The following PDE10A variants were observed in gnomAD, a reference collection of about 807,000 sequenced individuals.
PDE10A encodes phosphodiesterase 10A.
Under a neutral mutation model 97.7 loss-of-function variants are expected in PDE10A, and 39 were observed. That is an observed-to-expected ratio of 0.40 (90% confidence interval 0.31 to 0.52). PDE10A has a LOEUF of 0.52. PDE10A is among the 20% of genes least tolerant of loss of function. The probability of loss-of-function intolerance (pLI) is 0.56; values close to 1 mark genes in which losing one functional copy is unlikely to be tolerated. For synonymous variants in PDE10A, 371 were observed against 376.8 expected (o/e 0.98, Z 0.18); for missense variants, 731 against 1,047.8 (o/e 0.70, Z 4.17).
chr6:165,817,789 G>A (rs1387984158), intron 1 of PDE10A, among the ~76,000 whole-genome samples: 1 of 152,136 alleles, frequency 6.6e-6, no homozygotes, highest in Non-Finnish European at 1.5e-5. Flanking sequence ...CCAGTTTCCT[G>A]ACCTGTAAAA....
Position 165,958,587 on chromosome 6 carries a change from A to G in PDE10A, c.-615+28942T>C, listed in dbSNP as rs1240530973. ...AAAGACAGACAGAAAGAAAGACAGA[A>G]AGAGAGAAAGAAAGAGAGAAAGGAA... On this transcript the variant is annotated intron_variant, in intron 1 of 19. Transcript: ENST00000366882. 2.3e-5 allele frequency among the ~76,000 whole-genome samples: 3 copies of G among 127,814 alleles called. 1 individual carries two copies. Among genetic ancestry groups the G allele is most frequent in the African/African-American group, 8.7e-5 (3 of 34,366 alleles). 83.9% of individuals were successfully genotyped at this position (127,814 alleles called of 152,430 possible).
chr6:165,458,738 G>T (rs527751508), intron 3 of PDE10A, among the ~76,000 whole-genome samples: 3 of 152,046 alleles, frequency 2.0e-5, no homozygotes, highest in South Asian at 4.2e-4. Context: ...AGAGCAAGTT[G>T]GTGTGCCCCT....
At chr6:165,523,072 G>A (rs1246824979) in intron 2 of PDE10A, among the ~76,000 whole-genome samples, 1 of 151,882 alleles carries the variant, frequency 6.6e-6, no homozygotes, top group Non-Finnish European at 1.5e-5. Flanking sequence ...AACTAAGGAA[G>A]TGAAAGATAG....
intron 1 of PDE10A, among the ~76,000 whole-genome samples, chr6:165,821,190 C>T (rs1373026530): frequency 1.3e-5 from 2 of 152,328 alleles, no homozygotes; most frequent in Non-Finnish European, 2.9e-5. Context: ...TAAGAAACTA[C>T]AGCTTTGCAC....
chr6:165,762,594 A>T (rs534214192), intron 1 of PDE10A, among the ~76,000 whole-genome samples: 1 of 152,360 alleles, frequency 6.6e-6, no homozygotes, highest in Admixed American at 6.5e-5. Flanking sequence ...CACATTATAC[A>T]ATTATAGATA....
intron 1 of PDE10A, among the ~76,000 whole-genome samples, chr6:165,939,048 T>C (rs1327787537): frequency 6.6e-6 from 1 of 152,246 alleles, no homozygotes. Context: ...CAGAATATTA[T>C]GCAGCCAGCA....
At chr6:165,589,394 A>G (rs1379064994) in intron 1 of PDE10A, among the ~76,000 whole-genome samples, 1 of 152,192 alleles carries the variant, frequency 6.6e-6, no homozygotes, top group African/African-American at 2.4e-5. Context: ...TTATTACTTT[A>G]TATTTAAAAT....
chr6:165,919,653 G>A (rs1246410573), intron 1 of PDE10A, among the ~76,000 whole-genome samples: 7 of 152,118 alleles, frequency 4.6e-5, no homozygotes, highest in Non-Finnish European at 8.8e-5. Flanking sequence ...TTCTGAGCTT[G>A]TGGCCTGTGC....
intron 1 of PDE10A, among the ~76,000 whole-genome samples, chr6:165,794,325 A>G (rs748534758): frequency 1.0e-4 from 15 of 150,634 alleles, no homozygotes; most frequent in Non-Finnish European, 3.0e-5. Flanking sequence ...CATACTCATC[A>G]CACACTCATA....
chr6:165,794,486 CACACACT>C (rs1778771868), intron 1 of PDE10A, among the ~76,000 whole-genome samples: 1 of 151,560 alleles, frequency 6.6e-6, no homozygotes, highest in Non-Finnish European at 1.5e-5. Flanking sequence ...ACACTCATTA[CACACACT>C]ACACACTCAC....
intron 1 of PDE10A, among the ~76,000 whole-genome samples, chr6:165,549,768 A>G (rs113075415): frequency 3.9e-5 from 6 of 152,204 alleles, no homozygotes; most frequent in African/African-American, 1.4e-4. Flanking sequence ...AGCCTTTATT[A>G]TTTCTGAAGT....
rs200729242 is a variant in PDE10A, at chr6:165,673,982, A to T, written c.-614-130414T>A. The stretch of plus-strand genomic sequence containing the variant: ...TGACTTGAAAGATCTCTAATTTAAA[A>T]TTTTTTAAAGTGTTTCCGTGTCCAT... On this transcript the variant is annotated intron_variant, in intron 1 of 19. Coordinates refer to the PDE10A transcript ENST00000366882. Among the ~76,000 whole-genome samples the T allele has an allele frequency of 3.4e-5, 4 of 118,304 alleles. No individual in the cohort carries two copies. The South Asian group carries it at 8.3e-4, about 25-fold the overall frequency. 77.6% of individuals were successfully genotyped at this position (118,304 alleles called of 152,430 possible).
chr6:165,825,718 G>A (rs1779720599), intron 1 of PDE10A, among the ~76,000 whole-genome samples: 1 of 152,178 alleles, frequency 6.6e-6, no homozygotes, highest in African/African-American at 2.4e-5. Flanking sequence ...CCTGTGCCTT[G>A]GGAGTCCCCC....
At chr6:165,421,785 G>C (rs1277085357) in intron 10 of PDE10A, among the ~76,000 whole-genome samples, 1 of 152,216 alleles carries the variant, frequency 6.6e-6, no homozygotes, top group Non-Finnish European at 1.5e-5. Context: ...TTCTGTGGCT[G>C]GGTGCAGGGG....
chr6:165,839,193 T>A (rs1780146961), intron 1 of PDE10A, among the ~76,000 whole-genome samples: 1 of 152,246 alleles, frequency 6.6e-6, no homozygotes. Context: ...ACAAGGGTGT[T>A]GATAGAATTG....
chr6:165,690,003 A>T (rs77773347), intron 1 of PDE10A, among the ~76,000 whole-genome samples: 3 of 152,048 alleles, frequency 2.0e-5, no homozygotes, highest in African/African-American at 7.2e-5. Flanking sequence ...TTAACAAGAC[A>T]TTTTTAATGC....
intron 18 of PDE10A, among the ~76,000 whole-genome samples, chr6:165,349,413 T>C (rs1015349200): frequency 6.6e-6 from 1 of 152,036 alleles, no homozygotes; most frequent in Admixed American, 6.6e-5. Flanking sequence ...CCCTAGGAAC[T>C]GTGGAACTTT....
At chr6:165,506,758 C>G (rs1781215378) in intron 2 of PDE10A, among the ~76,000 whole-genome samples, 1 of 152,126 alleles carries the variant, frequency 6.6e-6, no homozygotes, top group Non-Finnish European at 1.5e-5. Flanking sequence ...ATATTCACAG[C>G]TTTTTATTTG....
At chr6:165,899,538 C>CA (rs1782047632) in intron 1 of PDE10A, among the ~76,000 whole-genome samples, 1 of 152,128 alleles carries the variant, frequency 6.6e-6, no homozygotes, top group Non-Finnish European at 1.5e-5. Flanking sequence ...AGATGTTTTG[C>CA]AAAAATCACA....
Sources: allele counts gnomAD v4.1 joint callset (sites outside exome capture counted in the v4.1 genomes callset), GRCh38; gene constraint gnomAD v4.1.1; transcripts MANE v1.5; gene names NCBI Gene and HGNC (gene_info 2026-07-23, HGNC 2026-07-21).